The following EIF3B variants were observed in gnomAD, a reference collection of about 807,000 sequenced individuals.
The protein encoded by EIF3B is eukaryotic translation initiation factor 3 subunit 9.
EIF3B carries 10 observed loss-of-function variants against 104.6 expected under a neutral mutation model. That is an observed-to-expected ratio of 0.10 (90% CI 0.06 to 0.16). The LOEUF is 0.16. Among genes scored for constraint, EIF3B ranks in the 10% least tolerant of loss-of-function variants. EIF3B has a pLI of 1.00. For synonymous variants in EIF3B, 542 were observed against 417.2 expected, an observed-to-expected ratio of 1.30 and a Z score of -3.65; for missense variants, 1,014 against 1,087.9, an observed-to-expected ratio of 0.93 and a Z score of 0.96.
At chr7:2,363,364 G>C (rs544008702) in intron 4 of EIF3B, among the ~76,000 whole-genome samples, 7 of 151,926 alleles carry the variant, frequency 4.6e-5, no homozygotes, top group Non-Finnish European at 8.8e-5. Flanking sequence ...GAGGCTGAGG[G>C]GGGAGGATCA....
chr7:2,363,395 CCTGGGAGGTTGAGG>C (rs766829995), intron 4 of EIF3B, among the ~76,000 whole-genome samples: 33 of 130,808 alleles, frequency 2.5e-4, no homozygotes, highest in African/African-American at 8.1e-4. Flanking sequence ...GGAGGTTGAG[CCTGGGAGGTTGAGG>C]CTGCCGTGAG....
intron 3 of EIF3B, 128 bp downstream of exon 3, chr7:2,362,892 G>T: frequency 2.7e-6 from 4 of 1,484,452 alleles, no homozygotes; most frequent in Admixed American, 1.8e-5. Flanking sequence ...TCAGGCTGCC[G>T]CAGAGCCATT....
In EIF3B at chr7:2,371,839, C is replaced by T. The variant is rs752645322; in HGVS notation, c.1677C>T (p.Val559=). The change falls in exon 11 of 19, where the codon GTC becomes GTT. Residue 559 remains valine, a synonymous_variant. Transcript: ENST00000360876. ...MREKQVPVDV[V]EMKETIIAFA... ...AGAAACAGGTACCTGTGGATGTGGT[C>T]GAGATGAAAGGCAAGTTGTATTTTA... The T allele has an allele frequency of 1.2e-6, 2 of 1,613,454 alleles. No individual in the cohort carries two copies. Among genetic ancestry groups the T allele is most frequent in the Non-Finnish European group, 1.7e-6 (2 of 1,179,770 alleles).
intron 13 of EIF3B, 88 bp downstream of exon 13, chr7:2,374,694 G>C: frequency 8.1e-7 from 1 of 1,237,444 alleles, no homozygotes; most frequent in South Asian, 1.3e-5. Context: ...CCGGCTTCTT[G>C]GTAGAGAGAG....
intron 9 of EIF3B, 122 bp from the exon 10 acceptor site, chr7:2,369,350 T>C: frequency 9.4e-7 from 1 of 1,065,144 alleles, no homozygotes; most frequent in Non-Finnish European, 1.4e-6. Context: ...GAGGGAGCGC[T>C]CAGCGTCAGC....
chr7:2,354,987 G>T lies in EIF3B; in HGVS notation c.66G>T (p.Gln22His). 8.5e-7 allele frequency: 1 copy of T among 1,169,844 alleles called. No individual in the cohort carries two copies. Among genetic ancestry groups the T allele is most frequent in the Non-Finnish European group, 1.1e-6 (1 of 952,098 alleles). 72.5% of individuals were successfully genotyped at this position (1,169,844 alleles called of 1,614,324 possible). Residue 22 changes from glutamine to histidine, a missense_variant, in exon 1 of 19, where the codon CAG (glutamine) becomes CAT (histidine). Gln to His is a conservative substitution (Grantham distance 24). Transcript: ENST00000360876. ...AAEERAEPGQ[Q>H]QPAAEPPPAE... ...AGGAGCGCGCCGAGCCCGGCCAGCA[G>T]CAGCCGGCCGCCGAGCCGCCGCCAG...
At chr7:2,358,755 C>G (rs1423884136) in intron 1 of EIF3B, among the ~76,000 whole-genome samples, 1 of 152,096 alleles carries the variant, frequency 6.6e-6, no homozygotes, top group Non-Finnish European at 1.5e-5. Flanking sequence ...TCTTGAACTC[C>G]TGGCCTCAGG....
Position 2,364,346 on chromosome 7 carries a change from A to G in EIF3B, c.1000-26A>G, listed in dbSNP as rs199507021. 1.8e-5 allele frequency: 28 copies of G among 1,561,904 alleles called. No homozygotes were observed. The African/African-American group carries it at 3.9e-4, about 22-fold the overall frequency. On this transcript the variant is annotated intron_variant, in intron 5 of 18. Coordinates refer to ENST00000360876, the MANE Select transcript of EIF3B (RefSeq NM_001037283.2). Reference sequence around the variant, plus strand: ...TTTGTGTTTGCCATTTTGTTGTATTAACGTTGGCACTGCCTTTTTCTGCAG... The same window carrying G: ...TTTGTGTTTGCCATTTTGTTGTATTGACGTTGGCACTGCCTTTTTCTGCAG...
At chr7:2,358,364 G>A (rs756271963) in intron 1 of EIF3B, among the ~76,000 whole-genome samples, 6 of 152,184 alleles carry the variant, frequency 3.9e-5, no homozygotes, top group Non-Finnish European at 5.9e-5. Flanking sequence ...GATTACAGGC[G>A]TGAGCCACCA....
chr7:2,363,674 C>G lies in EIF3B; in HGVS notation c.913C>G (p.Gln305Glu). ...GCTTGAAGAGGCAGAATGCAGAGAT[C>G]AGTACAGTGTGATTTTTGAGAGTGG... ...YWLEEAECRD[Q>E]YSVIFESGDR... is the part of the protein sequence containing the mutation. Residue 305 changes from glutamine (Q) to glutamate (E), a missense_variant, in exon 5 of 19, where the codon CAG (glutamine) becomes GAG (glutamate). This residue lies in a region of EIF3B where 201 missense variants were observed against 240.7 expected (regional missense o/e 0.83). Coordinates refer to ENST00000360876, the MANE Select transcript of EIF3B (RefSeq NM_001037283.2). 6.2e-7 allele frequency: 1 copy of G among 1,613,968 alleles called. No homozygotes were observed. The highest frequency in any genetic ancestry group is 2.2e-5 in the East Asian group (1 of 44,878).
At chr7:2,362,860 A>G (rs1413801423) in intron 3 of EIF3B, 96 bp downstream of exon 3, 2 of 1,562,682 alleles carry the variant, frequency 1.3e-6, no homozygotes, top group Non-Finnish European at 1.7e-6. Context: ...GGTGTCTGTC[A>G]GATTGTTCAC....
chr7:2,361,180 C>T (rs546597104), intron 2 of EIF3B, among the ~76,000 whole-genome samples: 2 of 152,196 alleles, frequency 1.3e-5, no homozygotes, highest in East Asian at 3.9e-4. Flanking sequence ...AAGCCTGAGG[C>T]CAGGAGTTGG....
intron 16 of EIF3B, 149 bp downstream of exon 16, chr7:2,378,915 G>T (rs368227715): frequency 5.0e-6 from 4 of 807,750 alleles, no homozygotes; most frequent in Non-Finnish European, 7.9e-6. Context: ...ATGCACTGGG[G>T]AACTGGGGTT....
At chr7:2,371,035 C>A (rs992892426) in intron 10 of EIF3B, among the ~76,000 whole-genome samples, 1 of 152,180 alleles carries the variant, frequency 6.6e-6, no homozygotes, top group Admixed American at 6.5e-5. Context: ...TGCACTCCAG[C>A]CTGGGCAACA....
At chr7:2,372,559 C>CTT in intron 11 of EIF3B, 114 bp from the exon 12 acceptor site, 1 of 1,368,462 alleles carries the variant, frequency 7.3e-7, no homozygotes, top group Non-Finnish European at 1.0e-6. Flanking sequence ...TTTTAATGAA[C>CTT]TTTTACACGT....
Position 2,380,471 on chromosome 7 carries a change from G to A in EIF3B, c.*282G>A, listed in dbSNP as rs1025516649. The A allele has an allele frequency of 1.8e-5, 9 of 504,304 alleles. No homozygotes were observed. The Middle Eastern group carries it at 2.3e-3, about 128-fold the overall frequency. The allele number at this position is 504,304 out of a possible 1,614,324, so 31.2% of individuals were successfully genotyped here. A position where few individuals can be genotyped will look rare whatever the true frequency, so the allele number is the denominator to read the frequency against. On this transcript the variant is annotated 3_prime_UTR_variant, in exon 19 of 19. Transcript: ENST00000360876. ...ACCCGCTTCCACTTCTTTCTTGTTT[G>A]GAGTTTTCTGTTGGAACCGCCGGCG...
In EIF3B at chr7:2,355,356, C is replaced by T. The variant is rs11551167; in HGVS notation, c.435C>T (p.Asn145=). The T allele has an allele frequency of 0.26, 393,075 of 1,536,984 alleles. 52,540 individuals are homozygous for T. Among genetic ancestry groups the T allele is most frequent in the South Asian group, 0.38 (32,148 of 83,876 alleles). The change falls in exon 1 of 19, where the codon AAC becomes AAT. Residue 145 remains asparagine (N), a synonymous_variant. Transcript: ENST00000360876. The part of the protein sequence containing the change: ...AAEAEPRALE[N]GDADEPSFSD... Reference sequence around the variant, plus strand: ...AGGCCGAACCCCGGGCGCTGGAGAACGGCGACGCGGACGAGCCCTCCTTCA... The same window carrying T: ...AGGCCGAACCCCGGGCGCTGGAGAATGGCGACGCGGACGAGCCCTCCTTCA...
At chr7:2,359,863 G>A (rs1056384935) in intron 1 of EIF3B, among the ~76,000 whole-genome samples, 1 of 152,152 alleles carries the variant, frequency 6.6e-6, no homozygotes, top group Non-Finnish European at 1.5e-5. Context: ...ACCCACGTCC[G>A]GTGTCAGGCG....
upstream of EIF3B, chr7:2,354,404 C>G (rs372523242): frequency 2.6e-5 from 4 of 152,232 alleles, no homozygotes; most frequent in Admixed American, 2.6e-4. Flanking sequence ...TAGCGAAAGG[C>G]TCAGACGCCC....
Sources: gnomAD v4.1 joint callset for allele counts (sites outside exome capture counted in the v4.1 genomes callset) on GRCh38, gnomAD v4.1.1 for gene constraint, gnomAD v4.1.1 regional missense constraint, MANE v1.5 for transcripts, NCBI Gene and HGNC (gene_info 2026-07-23, HGNC 2026-07-21) for gene names.